The following KCNN2 variants were observed in gnomAD, a reference collection of about 807,000 sequenced individuals.
The protein encoded by KCNN2 is potassium calcium-activated channel subfamily N member 2.
In KCNN2, 24 loss-of-function variants were observed where a neutral mutation model predicts 55.5. The ratio of observed to expected loss-of-function variants is 0.43; its 90% confidence interval spans 0.31 to 0.61. The LOEUF is 0.61. Among genes scored for constraint, KCNN2 ranks in the 20% least tolerant of loss-of-function variants. The probability of loss-of-function intolerance (pLI) is 0.08; values close to 1 mark genes in which losing one functional copy is unlikely to be tolerated. For missense variants in KCNN2, 754 were observed against 853.6 expected (o/e 0.88, Z 1.45); for synonymous variants, 431 against 336.1 (o/e 1.28, Z -3.09).
chr5:114,490,943 G>T (rs1226303540), intron 6 of KCNN2, among the ~76,000 whole-genome samples: 2 of 152,172 alleles, frequency 1.3e-5, no homozygotes, highest in East Asian at 3.9e-4. Context: ...TCTGGCAGCT[G>T]CAGCTTAAGC....
chr5:114,119,419 T>C (rs1388845512), intron 1 of KCNN2, among the ~76,000 whole-genome samples: 1 of 152,234 alleles, frequency 6.6e-6, no homozygotes, highest in Non-Finnish European at 1.5e-5. Flanking sequence ...GTGCTTTAAT[T>C]CTTTTTCAAA....
chr5:114,228,894 GAC>G (rs1265978405), intron 2 of KCNN2, among the ~76,000 whole-genome samples: 1 of 151,866 alleles, frequency 6.6e-6, no homozygotes, highest in Non-Finnish European at 1.5e-5. Flanking sequence ...AAAAATAAAA[GAC>G]AATTATAGCA....
At chr5:114,366,969 T>G (rs1173298414) in intron 2 of KCNN2, among the ~76,000 whole-genome samples, 3 of 152,200 alleles carry the variant, frequency 2.0e-5, no homozygotes, top group Non-Finnish European at 4.4e-5. Context: ...CAGTGCAGAT[T>G]TCTGGTGCAT....
At chr5:114,148,949 C>A (rs567274856) in intron 1 of KCNN2, among the ~76,000 whole-genome samples, 2 of 152,126 alleles carry the variant, frequency 1.3e-5, no homozygotes, top group East Asian at 3.9e-4. Context: ...TGAATAAGAG[C>A]CCAGTCAGCC....
intron 1 of KCNN2, among the ~76,000 whole-genome samples, chr5:114,159,386 G>T (rs1156422293): frequency 6.6e-6 from 1 of 152,172 alleles, no homozygotes; most frequent in East Asian, 1.9e-4. Flanking sequence ...TTTTGGATGT[G>T]TTGCTGGATT....
intron 3 of KCNN2, among the ~76,000 whole-genome samples, chr5:114,432,855 C>T (rs1328337032): frequency 2.0e-5 from 3 of 152,208 alleles, no homozygotes; most frequent in East Asian, 3.9e-4. Flanking sequence ...TACTGGGTCC[C>T]CCAGCAGTGC....
intron 1 of KCNN2, among the ~76,000 whole-genome samples, chr5:114,145,310 T>C (rs1752375760): frequency 6.6e-6 from 1 of 152,206 alleles, no homozygotes. Flanking sequence ...AAGAATTAAA[T>C]AACACAGTTC....
intron 5 of KCNN2, among the ~76,000 whole-genome samples, chr5:114,478,553 A>T (rs1246108333): frequency 6.6e-6 from 1 of 152,124 alleles, no homozygotes; most frequent in Non-Finnish European, 1.5e-5. Flanking sequence ...AGAGATCTCC[A>T]GTAAGGTACT....
intron 3 of KCNN2, among the ~76,000 whole-genome samples, chr5:114,419,220 C>T (rs1267746917): frequency 6.6e-6 from 1 of 152,174 alleles, no homozygotes; most frequent in Non-Finnish European, 1.5e-5. Context: ...CAAATCTGGC[C>T]CACCACTTGT....
At chr5:114,373,309 A>T (rs1451165966) in intron 2 of KCNN2, among the ~76,000 whole-genome samples, 1 of 151,986 alleles carries the variant, frequency 6.6e-6, no homozygotes, top group Non-Finnish European at 1.5e-5. Flanking sequence ...CCTTTTGAAT[A>T]GTTAAAAACA....
At chr5:114,268,291 A>G (rs1413520798) in intron 2 of KCNN2, among the ~76,000 whole-genome samples, 1 of 152,216 alleles carries the variant, frequency 6.6e-6, no homozygotes, top group African/African-American at 2.4e-5. Context: ...TAATACTAAT[A>G]CACAATTTTA....
chr5:114,182,594 C>G (rs1753261694), intron 1 of KCNN2, among the ~76,000 whole-genome samples: 1 of 152,048 alleles, frequency 6.6e-6, no homozygotes, highest in South Asian at 2.1e-4. Flanking sequence ...TGTGATCTCT[C>G]CTAAACCTAT....
chr5:114,202,243 A>T (rs6891422), intron 1 of KCNN2, among the ~76,000 whole-genome samples: 55,203 of 151,364 alleles, frequency 0.36, 10,562 homozygotes, highest in East Asian at 0.74. Flanking sequence ...TGCAATCTTT[A>T]GGCAGCTCTG....
At chr5:114,355,719 G>C (rs1338276594) in intron 2 of KCNN2, among the ~76,000 whole-genome samples, 1 of 152,034 alleles carries the variant, frequency 6.6e-6, no homozygotes, top group Non-Finnish European at 1.5e-5. Flanking sequence ...TGAGCTGCAG[G>C]GTGAAGAATT....
At chr5:114,240,939 C>G (rs1754606015) in intron 2 of KCNN2, among the ~76,000 whole-genome samples, 1 of 151,878 alleles carries the variant, frequency 6.6e-6, no homozygotes, top group African/African-American at 2.4e-5. Context: ...AACTCTCAGG[C>G]AGATTAAGGA....
chr5:114,339,733 G>A (rs1446027808), intron 2 of KCNN2, among the ~76,000 whole-genome samples: 2 of 152,108 alleles, frequency 1.3e-5, no homozygotes, highest in East Asian at 1.9e-4. Flanking sequence ...AGCCCAGGAG[G>A]TGGAAGTTGC....
chr5:114,096,767 C>T (rs1351402357), intron 1 of KCNN2, among the ~76,000 whole-genome samples: 2 of 152,318 alleles, frequency 1.3e-5, no homozygotes, highest in Middle Eastern at 3.4e-3. Context: ...CACAGAAACC[C>T]TGGTGATCTA....
intron 2 of KCNN2, among the ~76,000 whole-genome samples, chr5:114,232,411 A>G (rs1754380734): frequency 6.6e-6 from 1 of 151,158 alleles, no homozygotes; most frequent in South Asian, 2.1e-4. Context: ...AAAAAATAAA[A>G]ACTAAATAAT....
At chr5:114,338,000 T>A (rs1756950066) in intron 2 of KCNN2, among the ~76,000 whole-genome samples, 1 of 152,196 alleles carries the variant, frequency 6.6e-6, no homozygotes, top group South Asian at 2.1e-4. Context: ...TGGTTATATT[T>A]TCATTTTTTG....
Sources: allele counts gnomAD v4.1 joint callset (sites outside exome capture counted in the v4.1 genomes callset), GRCh38; gene constraint gnomAD v4.1.1; transcripts MANE v1.5; gene names NCBI Gene and HGNC (gene_info 2026-07-23, HGNC 2026-07-21).